FAT2: variants seen among roughly 807,000 people sequenced by gnomAD.
The protein encoded by FAT2 is FAT atypical cadherin 2.
Under a neutral mutation model 295.3 loss-of-function variants are expected in FAT2, and 150 were observed. The ratio of observed to expected loss-of-function variants is 0.51; its 90% CI spans 0.44 to 0.58. The LOEUF (loss-of-function observed/expected upper bound fraction) is 0.58. Ranked by LOEUF, FAT2 falls within the 20% of genes least tolerant of loss-of-function variation. FAT2 has a pLI of 0.00. For synonymous variants in FAT2, 2,026 were observed against 2,150.3 expected, an observed-to-expected ratio of 0.94 and a Z score of 1.60; for missense variants, 4,868 against 5,442.7, an observed-to-expected ratio of 0.89 and a Z score of 3.32.
At position 151,567,221 on chromosome 5, in the gene FAT2, C is replaced by T; in HGVS notation, c.1711G>A (p.Gly571Arg). 2 of 1,614,190 alleles carry T rather than the reference C, an allele frequency of 1.2e-6. No homozygotes were observed. The highest frequency in any genetic ancestry group is 2.2e-5 in the South Asian group (2 of 91,088). The change falls in exon 2 of 24, where the codon GGG (glycine) becomes AGG (arginine). Residue 571 changes from glycine to arginine, a missense_variant. Physicochemically the swap from Gly to Arg is moderately radical, Grantham distance 125. Around this residue, in one of 5 missense-constraint regions of FAT2, gnomAD observed 3,297 missense variants for 3,669.4 expected, o/e 0.90. Transcript: ENST00000261800. ...ACTGGCCAGTCTTGGCGGATAGACC[C>T]TGTACAGTTGACTTCTTCAAACATA... Reference protein sequence around the residue: ...QPMFEEVNCTGSIRQDWPVGK... With the variant: ...QPMFEEVNCTRSIRQDWPVGK...
intron 20 of FAT2, among the ~76,000 whole-genome samples, chr5:151,513,648 C>G (rs959153072): frequency 3.3e-5 from 5 of 152,132 alleles, no homozygotes; most frequent in African/African-American, 1.2e-4. Flanking sequence ...AGGAACTATG[C>G]TTATTCCTTG....
chr5:151,543,383 G>A lies in FAT2; in HGVS notation c.7744C>T (p.Pro2582Ser), dbSNP rs1581393622. 6.2e-7 allele frequency: 1 copy of A among 1,614,122 alleles called. No individual in the cohort carries two copies. Among genetic ancestry groups the A allele is most frequent in the Non-Finnish European group, 8.5e-7 (1 of 1,180,010 alleles). Residue 2582 changes from proline (P) to serine (S), a missense_variant, in exon 10 of 24, where the codon CCC becomes TCC. Physicochemically the swap from Pro to Ser is moderately conservative, Grantham distance 74 (BLOSUM62 -1). Coordinates refer to ENST00000261800, the MANE Select transcript of FAT2 (RefSeq NM_001447.3). ...TACTCAGATGCTTTGAACTGTGGGG[G>A]GTTGTCATTTTCATCTGTGAGGATG... ...KIILTDENDN[P>S]PQFKASEYTV...
In FAT2 at chr5:151,531,960, G is replaced by A. The variant is rs761142974; in HGVS notation, c.9438C>T (p.Ala3146=). Residue 3146 remains alanine (A), a synonymous_variant, in exon 14 of 24, where the codon GCC becomes GCT. Transcript: ENST00000261800. This position sits in a 1 kb window ranked among gnomAD's most constrained non-coding sequence, Gnocchi z 5.7. ...AATCCGGCAGAGAGTAAACCACCTG[G>A]GCATTGGCGCCTGGCAGGGAGACCA... ...FARDPDQGAN[A]QVVYSLPDSA... is the part of the protein sequence containing the mutation. 21 of 1,614,028 alleles carry A rather than the reference G, an allele frequency of 1.3e-5. No homozygotes were observed. The highest frequency in any genetic ancestry group is 1.6e-5 in the Non-Finnish European group (19 of 1,180,030).
At chr5:151,570,630 T>A (rs1758485033) in intron 1 of FAT2, among the ~76,000 whole-genome samples, 1 of 152,156 alleles carries the variant, frequency 6.6e-6, no homozygotes, top group Non-Finnish European at 1.5e-5. Context: ...GGCAGGGCCA[T>A]GTGTAGGTCT....
intron 14 of FAT2, among the ~76,000 whole-genome samples, chr5:151,530,344 C>T (rs932672851): frequency 6.6e-6 from 1 of 151,888 alleles, no homozygotes; most frequent in Non-Finnish European, 1.5e-5. Context: ...TGATCAAGCA[C>T]TGTCAACTAA....
intron 1 of FAT2, among the ~76,000 whole-genome samples, chr5:151,572,029 T>C (rs1166859503): frequency 6.6e-6 from 1 of 152,198 alleles, no homozygotes; most frequent in Non-Finnish European, 1.5e-5. Context: ...AATTCCTTCT[T>C]GTCATTCAGT....
chr5:151,565,667 C>CCCAA lies in FAT2; in HGVS notation c.3259+5_3259+6insTTGG. On this transcript the variant is annotated splice_donor_region_variant and intron_variant, in intron 2 of 23. Transcript: ENST00000261800. ...CTGGCACCCCACCCTACCCCACCCC[C>CCCAA]AGTACCTGTATCTTGGTTGATGCTG... The CCCAA allele has an allele frequency of 6.4e-7, 1 of 1,570,658 alleles. No individual in the cohort carries two copies. Among genetic ancestry groups the CCCAA allele is most frequent in the Non-Finnish European group, 8.7e-7 (1 of 1,153,160 alleles).
Position 151,522,139 on chromosome 5 carries a change from G to A in FAT2, c.10507-53C>T, listed in dbSNP as rs755616061. 7 of 1,396,602 alleles carry A rather than the reference G, an allele frequency of 5.0e-6. No individual in the cohort carries two copies. The Admixed American group carries it at 6.9e-5, about 14-fold the overall frequency. 86.5% of individuals were successfully genotyped at this position (1,396,602 alleles called of 1,614,324 possible). A position where few individuals can be genotyped will look rare whatever the true frequency, so the allele number is the denominator to read the frequency against. ...CCCAACAGAACTGCAGTGCTCTTGC[G>A]CCCGACTGAGGCTGGGCCTCCTTGT... On this transcript the variant is annotated intron_variant, in intron 18 of 23. Transcript: ENST00000261800.
At position 151,531,644 on chromosome 5, in the gene FAT2, C is replaced by T. The variant is rs200593607; in HGVS notation, c.9754G>A (p.Gly3252Ser). 100 of 1,613,708 alleles carry T rather than the reference C, an allele frequency of 6.2e-5. No homozygotes were observed. Among genetic ancestry groups the T allele is most frequent in the Admixed American group, 1.0e-4 (6 of 60,012 alleles). The stretch of plus-strand genomic sequence containing the variant: ...TCGTTCCCGCTGACCACGCGGTAGC[C>T]GGTCTTCTCTGCGCCCGGGCGAGTG... The part of the protein sequence containing the change: ...TLTRPGAEKT[G>S]YRVVSGNEQG... Residue 3252 changes from glycine (G) to serine (S), a missense_variant, in exon 14 of 24, where the codon GGC becomes AGC. Coordinates refer to ENST00000261800, the MANE Select transcript of FAT2 (RefSeq NM_001447.3). This position sits in a 1 kb window ranked among gnomAD's most constrained non-coding sequence, Gnocchi z 5.7.
Position 151,565,658 on chromosome 5 carries a change from C to CAAA in FAT2, c.3259+14_3259+15insTTT. 1.4e-6 allele frequency: 1 copy of CAAA among 721,098 alleles called. No homozygotes were observed. The highest frequency in any genetic ancestry group is 2.2e-6 in the Non-Finnish European group (1 of 447,328). 44.7% of individuals were successfully genotyped at this position (721,098 alleles called of 1,614,324 possible). ...CCTCTGGCCCTGGCACCCCACCCTA[C>CAAA]CCCACCCCCAGTACCTGTATCTTGG... On this transcript the variant is annotated intron_variant, in intron 2 of 23. Coordinates refer to ENST00000261800, the MANE Select transcript of FAT2 (RefSeq NM_001447.3).
At chr5:151,520,345 A>G (rs1753314093) in intron 19 of FAT2, among the ~76,000 whole-genome samples, 1 of 152,240 alleles carries the variant, frequency 6.6e-6, no homozygotes, top group African/African-American at 2.4e-5. Context: ...CAGGCTTTAG[A>G]GTGGGACACA....
chr5:151,569,848 C>A (rs1401237795), intron 1 of FAT2, among the ~76,000 whole-genome samples: 1 of 152,224 alleles, frequency 6.6e-6, no homozygotes, highest in Non-Finnish European at 1.5e-5. Flanking sequence ...CATGCAGAGG[C>A]TGCAGGAAAG....
rs1281542562 is a variant in FAT2, at chr5:151,531,969, G to A, written c.9429C>T (p.Gly3143=). ...AVVFARDPDQ[G]ANAQVVYSLP... is the part of the protein sequence containing the mutation. ...GAGAGTAAACCACCTGGGCATTGGC[G>A]CCTGGCAGGGAGACCAAGGGTGTGA... The change falls in exon 14 of 24, where the codon GGC becomes GGT. Residue 3143 remains glycine (G), a splice_region_variant and synonymous_variant. Transcript: ENST00000261800. The surrounding 1 kb of genome is among the most constrained non-coding windows in gnomAD (Gnocchi z 5.7). 4 of 1,613,948 alleles carry A rather than the reference G, an allele frequency of 2.5e-6. No individual in the cohort carries two copies. Among genetic ancestry groups the A allele is most frequent in the South Asian group, 1.1e-5 (1 of 91,068 alleles).
At chr5:151,532,322 T>C (rs1403336006) in intron 13 of FAT2, among the ~76,000 whole-genome samples, 2 of 152,158 alleles carry the variant, frequency 1.3e-5, no homozygotes, top group Non-Finnish European at 2.9e-5. Flanking sequence ...TGTATCTTGA[T>C]TGTGGTGTTG....
Position 151,579,737 on chromosome 5 carries a change from T to TA in FAT2, c.-20-10787dup, listed in dbSNP as rs569520621. Among the ~76,000 whole-genome samples the TA allele has an allele frequency of 3.3e-3, 478 of 145,696 alleles. 1 individual carries two copies. Among genetic ancestry groups the TA allele is most frequent in the East Asian group, 9.5e-3 (48 of 5,050 alleles). On this transcript the variant is annotated intron_variant, in intron 1 of 23. Transcript: ENST00000261800. Reference sequence around the variant, plus strand: ...TAAAATATAAATAAGGAAATACATTTAAAAAAAAAAAGAGAGAGAAAGATA... The same window carrying TA: ...TAAAATATAAATAAGGAAATACATTTAAAAAAAAAAAAGAGAGAGAAAGATA...
In FAT2 at chr5:151,544,106, C is replaced by T. The variant is rs770755615; in HGVS notation, c.7021G>A (p.Ala2341Thr). 6 of 1,614,196 alleles carry T rather than the reference C, an allele frequency of 3.7e-6. No individual in the cohort carries two copies. The highest frequency in any genetic ancestry group is 5.1e-6 in the Non-Finnish European group (6 of 1,180,032). Residue 2341 changes from alanine (A) to threonine (T), a missense_variant, in exon 10 of 24, where the codon GCC becomes ACC. Transcript: ENST00000261800. ...MSTVQELDYE[A>T]QQHFHVKVRA... Reference sequence around the variant, plus strand: ...ACTTTCACATGAAAGTGTTGTTGGGCTTCATAATCCAGTTCTTGAACTGTG... The same window carrying T: ...ACTTTCACATGAAAGTGTTGTTGGGTTTCATAATCCAGTTCTTGAACTGTG...
rs764667108 is a variant in FAT2 at position 151,545,760 on chromosome 5, G to A, written c.5367C>T (p.Ala1789=). 1.9e-6 allele frequency: 3 copies of A among 1,614,130 alleles called. No homozygotes were observed. Among genetic ancestry groups the A allele is most frequent in the Non-Finnish European group, 2.5e-6 (3 of 1,180,024 alleles). ...AATTAGCTTCTTTGTCACTGTCAGA[G>A]GCATGAATCACAAAGGGGTTGTTGT... ...DKNNNPFVIH[A]SDSDKEANSL... The change falls in exon 10 of 24, where the codon GCC becomes GCT. Residue 1789 remains alanine, a synonymous_variant. Transcript: ENST00000261800.
intron 15 of FAT2, among the ~76,000 whole-genome samples, chr5:151,528,810 C>A (rs1754291711): frequency 6.6e-6 from 1 of 152,134 alleles, no homozygotes; most frequent in Non-Finnish European, 1.5e-5. Context: ...TCAGTCCCTG[C>A]CCCACAACTG....
chr5:151,540,890 CTA>C, intron 10 of FAT2, 127 bp from the exon 11 acceptor site: 1 of 830,948 alleles, frequency 1.2e-6, no homozygotes, highest in South Asian at 1.9e-5. Context: ...CCTTCCTTAA[CTA>C]GGAACCCACG....
Sources: gnomAD v4.1 joint callset for allele counts (sites outside exome capture counted in the v4.1 genomes callset) on GRCh38, gnomAD v4.1.1 for gene constraint, gnomAD v4.1.1 regional missense constraint, Gnocchi (gnomAD v3.1) non-coding constraint, MANE v1.5 for transcripts, NCBI Gene and HGNC (gene_info 2026-07-23, HGNC 2026-07-21) for gene names.